Variants in ZNF429 observed in about 807,000 individuals in gnomAD.
The protein encoded by ZNF429 is zinc finger protein 429.
A neutral mutation model predicts 56.8 loss-of-function variants in ZNF429; 53 were observed. That is an observed-to-expected ratio of 0.93 (90% confidence interval 0.75 to 1.17). The LOEUF (loss-of-function observed/expected upper bound fraction) is 1.17, where lower values mean the gene tolerates loss of function less well. Among genes scored for constraint, ZNF429 ranks in the 50% most tolerant of loss-of-function variants. ZNF429 has a pLI of 0.00. For synonymous variants in ZNF429, 278 were observed against 264.7 expected (o/e 1.05, Z -0.49); for missense variants, 849 against 788.4 (o/e 1.08, Z -0.92).
chr19:21,531,714 G>A, intron 3 of ZNF429, among the ~76,000 whole-genome samples: 3 of 151,792 alleles, frequency 2.0e-5, no homozygotes, highest in South Asian at 2.1e-4. Context: ...CTAAGGCAGG[G>A]AGAATTGCTT....
chr19:21,506,460 A>AGGG (rs199861700), intron 1 of ZNF429, among the ~76,000 whole-genome samples: 2 of 107,826 alleles, frequency 1.9e-5, no homozygotes, highest in African/African-American at 6.1e-5. Flanking sequence ...AAAAAAAAAA[A>AGGG]AGGGGAGTCA....
At chr19:21,516,581 G>C (rs957787815) in intron 1 of ZNF429, among the ~76,000 whole-genome samples, 6 of 152,166 alleles carry the variant, frequency 3.9e-5, no homozygotes, top group African/African-American at 1.4e-4. Flanking sequence ...TGAGCATAAA[G>C]TAGTTTTTGA....
Position 21,536,750 on chromosome 19 carries a change from G to T in ZNF429, c.697G>T (p.Glu233Ter). 1 of 1,614,054 alleles carries T rather than the reference G, an allele frequency of 6.2e-7. No homozygotes were observed. Among genetic ancestry groups the T allele is most frequent in the East Asian group, 2.2e-5 (1 of 44,816 alleles). The change falls in exon 4 of 4, where the codon GAA (glutamate) becomes TAA (stop). Residue 233 changes from glutamate to a stop codon, truncating the protein, a stop_gained. Coordinates refer to ENST00000358491, the MANE Select transcript of ZNF429 (RefSeq NM_001001415.4). LOFTEE classifies it high-confidence loss of function. Reference sequence around the variant, plus strand: ...TGGTGAGAAACACTACAGATGTGAAGAATGTGGCAAAGCATTTAACCACTA... The same window carrying T: ...TGGTGAGAAACACTACAGATGTGAATAATGTGGCAAAGCATTTAACCACTA... The part of the protein sequence containing the change: ...YVGEKHYRCE[E>*]CGKAFNHYST...
rs59611982 is a variant in ZNF429 at position 21,539,587 on chromosome 19, ATTT to A, written c.*1522_*1524del. Among the ~76,000 whole-genome samples the A allele has an allele frequency of 7.3e-6, 1 of 136,714 alleles. No homozygotes were observed. Among genetic ancestry groups the A allele is most frequent in the Non-Finnish European group, 1.6e-5 (1 of 63,668 alleles). The allele number at this position is 136,714 out of a possible 152,430, so 89.7% of individuals were successfully genotyped here. ...CAGGCATACACCAGCATGTCTGGCT[ATTT>A]TTTTTTTTTTTTGTATTTTTAGTAG... On this transcript the variant is annotated 3_prime_UTR_variant, in exon 4 of 4. Transcript: ENST00000358491.
At chr19:21,513,306 A>T (rs186614482) in intron 1 of ZNF429, among the ~76,000 whole-genome samples, 1 of 152,284 alleles carries the variant, frequency 6.6e-6, no homozygotes, top group Admixed American at 6.5e-5. Context: ...TCTTTGTCCT[A>T]TACATTTCTT....
At position 21,538,108 on chromosome 19, in the gene ZNF429, A is replaced by C. The variant is rs2033791131; in HGVS notation, c.*30A>C. On this transcript the variant is annotated 3_prime_UTR_variant, in exon 4 of 4. Transcript: ENST00000358491. ...GTGAAACCCCGTCTCTACTAAAAAT[A>C]CAAAAAAAAAAAAAAAAAAAATTAG... 1 of 617,080 alleles carries C rather than the reference A, an allele frequency of 1.6e-6. No homozygotes were observed. The allele number at this position is 617,080 out of a possible 1,614,324, so 38.2% of individuals were successfully genotyped here.
chr19:21,513,124 G>T (rs751237799), intron 1 of ZNF429, among the ~76,000 whole-genome samples: 2 of 152,090 alleles, frequency 1.3e-5, no homozygotes, highest in African/African-American at 4.8e-5. Flanking sequence ...ACCCGCCTCA[G>T]CCTCCAAAAG....
In ZNF429 at chr19:21,530,616, T is replaced by A. The variant is rs1366733511; in HGVS notation, c.158T>A (p.Ile53Asn). The A allele has an allele frequency of 6.2e-7, 1 of 1,610,974 alleles. No individual in the cohort carries two copies. The highest frequency in any genetic ancestry group is 2.2e-5 in the East Asian group (1 of 44,834). Residue 53 changes from isoleucine to asparagine, a missense_variant, in exon 3 of 4, where the codon ATC becomes AAC. Physicochemically the swap from Ile to Asn is moderately radical, Grantham distance 149. Transcript: ENST00000358491. ...LGIAVSKPDL[I>N]TCLEKEKEPC... ...ATTGCTGTTTCTAAGCCAGACCTAATCACTTGTCTAGAGAAAGAAAAAGAA... is the reference window on the plus strand; with the variant it reads ...ATTGCTGTTTCTAAGCCAGACCTAAACACTTGTCTAGAGAAAGAAAAAGAA...
Position 21,529,923 on chromosome 19 carries a change from T to C in ZNF429, c.130+139T>C. ...CTTTTAAGAAAAGTTTGGGGCCGGG[T>C]GTCTTGGCTCACGCCTGTAATCCCA... On this transcript the variant is annotated intron_variant, in intron 2 of 3. Transcript: ENST00000358491. The C allele has an allele frequency of 1.2e-5, 7 of 589,600 alleles. No individual in the cohort carries two copies. In the East Asian group the frequency reaches 2.2e-4, roughly 18 times the overall value. The allele number at this position is 589,600 out of a possible 1,614,324, so 36.5% of individuals were successfully genotyped here.
intron 1 of ZNF429, among the ~76,000 whole-genome samples, chr19:21,525,348 C>T (rs748484414): frequency 4.6e-5 from 7 of 152,080 alleles, no homozygotes; most frequent in Admixed American, 3.9e-4. Context: ...TAAAATTACA[C>T]AAACTCTGGA....
At chr19:21,520,184 C>G (rs571885131) in intron 1 of ZNF429, among the ~76,000 whole-genome samples, 1 of 152,080 alleles carries the variant, frequency 6.6e-6, no homozygotes, top group Non-Finnish European at 1.5e-5. Flanking sequence ...TTTTAGAACA[C>G]CTTTTTCTCT....
chr19:21,520,164 C>T (rs1174269563), intron 1 of ZNF429, among the ~76,000 whole-genome samples: 1 of 152,064 alleles, frequency 6.6e-6, no homozygotes, highest in Admixed American at 6.6e-5. Context: ...CAGCCAACAC[C>T]CATGGATTTT....
intron 3 of ZNF429, among the ~76,000 whole-genome samples, chr19:21,534,467 C>T: frequency 9.7e-6 from 1 of 103,156 alleles, no homozygotes; most frequent in East Asian, 2.3e-4. Context: ...CCTCAACCTC[C>T]TGAGCTCAAG....
At chr19:21,513,099 C>T (rs1179609031) in intron 1 of ZNF429, among the ~76,000 whole-genome samples, 1 of 151,978 alleles carries the variant, frequency 6.6e-6, no homozygotes, top group Non-Finnish European at 1.5e-5. Flanking sequence ...TCTCGATCTC[C>T]TGACCTCATG....
rs74962389 is a variant in ZNF429 at position 21,523,229 on chromosome 19, A to T, written c.4-6429A>T. On this transcript the variant is annotated intron_variant, in intron 1 of 3. Transcript: ENST00000358491. ...GCTACTGCTACTCCACCTATTCAGGACCTAAATCTGCAGATGGAAATTCTG... is the reference window on the plus strand; with the variant it reads ...GCTACTGCTACTCCACCTATTCAGGTCCTAAATCTGCAGATGGAAATTCTG... 4.4e-4 allele frequency among the ~76,000 whole-genome samples: 67 copies of T among 152,322 alleles called. No homozygotes were observed. In the East Asian group the frequency reaches 6.0e-3, roughly 14 times the overall value.
In ZNF429 at chr19:21,520,022, G is replaced by A. The variant is rs183382530; in HGVS notation, c.4-9636G>A. 6.6e-5 allele frequency among the ~76,000 whole-genome samples: 10 copies of A among 152,008 alleles called. No homozygotes were observed. In the East Asian group the frequency reaches 1.9e-3, roughly 30 times the overall value. Reference sequence around the variant, plus strand: ...AGGCACCTGCCACCATGTTTGGCTGGTTTTTGTTTGTATTTTAGTAGAGAT... The same window carrying A: ...AGGCACCTGCCACCATGTTTGGCTGATTTTTGTTTGTATTTTAGTAGAGAT... On this transcript the variant is annotated intron_variant, in intron 1 of 3. Coordinates refer to ENST00000358491, the MANE Select transcript of ZNF429 (RefSeq NM_001001415.4).
chr19:21,506,351 G>A (rs542979244), intron 1 of ZNF429, among the ~76,000 whole-genome samples: 1 of 151,658 alleles, frequency 6.6e-6, no homozygotes, highest in Admixed American at 6.6e-5. Flanking sequence ...CCAGCTATGT[G>A]GGAGGCTGAG....
chr19:21,528,669 C>T (rs1047189086), intron 1 of ZNF429, among the ~76,000 whole-genome samples: 3 of 151,930 alleles, frequency 2.0e-5, no homozygotes, highest in Non-Finnish European at 4.4e-5. Context: ...TGTGCCATTC[C>T]ACTCCAGCCT....
At chr19:21,521,518 G>C (rs2032984239) in intron 1 of ZNF429, 1 of 152,098 alleles carries the variant, frequency 6.6e-6, no homozygotes, top group Admixed American at 6.5e-5. Flanking sequence ...TGTGCATTTT[G>C]GGTGTTTTCA....
Sources: allele counts gnomAD v4.1 joint callset (sites outside exome capture counted in the v4.1 genomes callset), GRCh38; gene constraint gnomAD v4.1.1; transcripts MANE v1.5; gene names NCBI Gene and HGNC (gene_info 2026-07-23, HGNC 2026-07-21).